ZFHX3: variants seen among roughly 807,000 people sequenced by gnomAD.
ZFHX3 encodes the protein zinc finger homeobox 3, also known as zinc finger homeobox protein 3.
In ZFHX3, 42 loss-of-function variants were observed where a neutral mutation model predicts 279.1. The observed-to-expected ratio is 0.15, with a 90% CI of 0.12 to 0.19. The LOEUF (loss-of-function observed/expected upper bound fraction) is 0.19. Among genes scored for constraint, ZFHX3 ranks in the 10% least tolerant of loss-of-function variants. The probability of loss-of-function intolerance (pLI) is 1.00; values close to 1 mark genes in which losing one functional copy is unlikely to be tolerated. For synonymous variants in ZFHX3, 2,293 were observed against 1,957.8 expected, an observed-to-expected ratio of 1.17 and a Z score of -4.52; for missense variants, 4,981 against 4,754.0, an observed-to-expected ratio of 1.05 and a Z score of -1.40.
intron 3 of ZFHX3, among the ~76,000 whole-genome samples, chr16:73,417,988 C>CAA (rs71156161): frequency 0.085 from 4,879 of 57,488 alleles, 419 homozygotes; most frequent in East Asian, 0.27. Context: ...GACTCCATCT[C>CAA]AAAAAAAAAA....
chr16:73,880,432 T>G (rs1421330540), intron 1 of ZFHX3, among the ~76,000 whole-genome samples: 1 of 152,190 alleles, frequency 6.6e-6, no homozygotes, highest in African/African-American at 2.4e-5. Context: ...ACATTTTAAT[T>G]TCAGGATTTG....
At position 73,364,483 on chromosome 16, in the gene ZFHX3, G is replaced by A. The variant is rs146629890; in HGVS notation, c.-1290-46147C>T. 7.6e-4 allele frequency among the ~76,000 whole-genome samples: 115 copies of A among 152,102 alleles called. 1 individual carries two copies. Among genetic ancestry groups the A allele is most frequent in the East Asian group, 5.0e-3 (26 of 5,184 alleles). On this transcript the variant is annotated intron_variant, in intron 3 of 17. Coordinates refer to the ZFHX3 transcript ENST00000641206. ...CTCGTAGTTCTTTCGGTCTGGTCAG[G>A]GAGACAGAGATTATATGTATAATCA... is the stretch of plus-strand genomic sequence containing the variant.
intron 1 of ZFHX3, among the ~76,000 whole-genome samples, chr16:73,873,968 A>C (rs969639996): frequency 6.6e-6 from 1 of 152,188 alleles, no homozygotes; most frequent in African/African-American, 2.4e-5. Flanking sequence ...GAGGAAAAAA[A>C]AGTAAGAAGA....
intron 8 of ZFHX3, among the ~76,000 whole-genome samples, chr16:73,069,275 T>C (rs1162539269): frequency 1.3e-5 from 2 of 152,212 alleles, no homozygotes; most frequent in Non-Finnish European, 2.9e-5. Context: ...ACCCGAGGGC[T>C]GAAAGTACAC....
At chr16:73,151,013 A>G (rs1337922630) in intron 5 of ZFHX3, among the ~76,000 whole-genome samples, 2 of 152,254 alleles carry the variant, frequency 1.3e-5, no homozygotes, top group Non-Finnish European at 2.9e-5. Context: ...GGCAATAAAA[A>G]GGAATAAATG....
In ZFHX3 at chr16:72,800,105, G is replaced by C; in HGVS notation, c.3889C>G (p.Pro1297Ala). The change falls in exon 8 of 10, where the codon CCA (proline) becomes GCA (alanine). Residue 1297 changes from proline (P) to alanine (A), a missense_variant. This residue lies in a region of ZFHX3 where 1,751 missense variants were observed against 1,770.0 expected (regional missense o/e 0.99). Coordinates refer to ENST00000268489, the MANE Select transcript of ZFHX3 (RefSeq NM_006885.4). ...MTVTTPEMVM[P>A]SSMFLPAAVP... ...GCTGCTGGGAGGAACATGCTGCTTG[G>C]CATCACCATCTCAGGGGTGGTCACC... 1 of 1,614,158 alleles carries C rather than the reference G, an allele frequency of 6.2e-7. No homozygotes were observed. The highest frequency in any genetic ancestry group is 1.3e-5 in the African/African-American group (1 of 75,042).
chr16:73,549,259 CAGCATTATT>C (rs2020168850), intron 2 of ZFHX3, among the ~76,000 whole-genome samples: 1 of 151,828 alleles, frequency 6.6e-6, no homozygotes, highest in Non-Finnish European at 1.5e-5. Flanking sequence ...ATATGAAAAA[CAGCATTATT>C]AGTAAGTGGA....
At chr16:72,918,737 C>T (rs981259186) in intron 3 of ZFHX3, among the ~76,000 whole-genome samples, 7 of 151,096 alleles carry the variant, frequency 4.6e-5, no homozygotes, top group Admixed American at 3.9e-4. Flanking sequence ...GCTCTGTCTC[C>T]CAGGCTGGAG....
intron 3 of ZFHX3, among the ~76,000 whole-genome samples, chr16:73,354,203 T>C (rs1321564813): frequency 1.3e-5 from 2 of 152,196 alleles, no homozygotes; most frequent in Admixed American, 1.3e-4. Flanking sequence ...AAAAAAAATG[T>C]ATCCATTTAT....
At chr16:73,737,916 G>C (rs945210952) in intron 1 of ZFHX3, among the ~76,000 whole-genome samples, 3 of 152,136 alleles carry the variant, frequency 2.0e-5, no homozygotes, top group African/African-American at 7.2e-5. Context: ...TGAATATATT[G>C]AGAACCCAGG....
chr16:72,966,836 C>G (rs1046102888), intron 1 of ZFHX3, among the ~76,000 whole-genome samples: 2 of 152,162 alleles, frequency 1.3e-5, no homozygotes, highest in African/African-American at 4.8e-5. Context: ...GGTGGGGTCA[C>G]TATAAATGAA....
At chr16:73,546,826 G>A (rs2143762766) in intron 2 of ZFHX3, among the ~76,000 whole-genome samples, 1 of 151,852 alleles carries the variant, frequency 6.6e-6, no homozygotes. Flanking sequence ...GTTGGGGGGT[G>A]AGGGGGGAGG....
chr16:73,642,562 A>G (rs1262914697), intron 2 of ZFHX3, among the ~76,000 whole-genome samples: 2 of 152,200 alleles, frequency 1.3e-5, no homozygotes, highest in Admixed American at 1.3e-4. Flanking sequence ...AAATATTTAC[A>G]TATACCAAAA....
chr16:73,312,320 C>T (rs2015346177), intron 4 of ZFHX3, among the ~76,000 whole-genome samples: 2 of 152,078 alleles, frequency 1.3e-5, no homozygotes, highest in African/African-American at 4.8e-5. Flanking sequence ...TGGGCCCAGA[C>T]CACAGAGCTG....
intron 3 of ZFHX3, among the ~76,000 whole-genome samples, chr16:73,453,311 C>T (rs1191212975): frequency 6.6e-6 from 1 of 152,198 alleles, no homozygotes; most frequent in East Asian, 1.9e-4. Flanking sequence ...CTGAACTGAC[C>T]TGTGACTGCT....
In ZFHX3 at chr16:72,787,593, T is replaced by G. The variant is rs2035460698; in HGVS notation, c.10683A>C (p.Ala3561=). Residue 3561 remains alanine, a synonymous_variant, in exon 10 of 10, where the codon GCA becomes GCC. Transcript: ENST00000268489. ...ALHKHRTITR[A]ARNAKEHPSL... The stretch of plus-strand genomic sequence containing the variant: ...TAGGGTGCTCTTTGGCGTTTCTTGC[T>G]GCTCTCGTGATTGTTCTGTGTTTGT... The G allele has an allele frequency of 2.5e-6, 4 of 1,613,934 alleles. No homozygotes were observed. Among genetic ancestry groups the G allele is most frequent in the Non-Finnish European group, 3.4e-6 (4 of 1,179,952 alleles).
intron 1 of ZFHX3, among the ~76,000 whole-genome samples, chr16:73,814,955 T>C (rs1960526629): frequency 6.6e-6 from 1 of 152,160 alleles, no homozygotes; most frequent in African/African-American, 2.4e-5. Flanking sequence ...GTCAACTTGC[T>C]CCAAAATCTC....
rs10654824 is a variant in ZFHX3 at position 73,778,236 on chromosome 16, TAAAAAAA to T, written c.-1607-98003_-1607-97997del. 2.2e-4 allele frequency among the ~76,000 whole-genome samples: 13 copies of T among 58,706 alleles called. No individual in the cohort carries two copies. The South Asian group carries it at 3.2e-3, about 15-fold the overall frequency. The allele number at this position is 58,706 out of a possible 152,430, so 38.5% of individuals were successfully genotyped here. A position where few individuals can be genotyped will look rare whatever the true frequency, so the allele number is the denominator to read the frequency against. ...ACTACCTTTACTGTTGAAGGAGTGTTAAAAAAAAAAAAAAAAAAAAAAAAAAGCATTG... is the reference window on the plus strand; with the variant it reads ...ACTACCTTTACTGTTGAAGGAGTGTTAAAAAAAAAAAAAAAAAAAGCATTG... On this transcript the variant is annotated intron_variant, in intron 1 of 17. Transcript: ENST00000641206.
At chr16:72,840,712 C>T (rs2037324970) in intron 4 of ZFHX3, among the ~76,000 whole-genome samples, 1 of 152,194 alleles carries the variant, frequency 6.6e-6, no homozygotes. Flanking sequence ...ACAGCTTCAC[C>T]CTTGCGAAGC....
Sources: allele counts gnomAD v4.1 joint callset (sites outside exome capture counted in the v4.1 genomes callset), GRCh38; gene constraint gnomAD v4.1.1; regional missense constraint gnomAD v4.1.1; transcripts MANE v1.5; gene names NCBI Gene and HGNC (gene_info 2026-07-23, HGNC 2026-07-21).